Variants in CNTN5 observed in about 807,000 individuals in gnomAD.
CNTN5 encodes contactin-5.
In CNTN5, 77 loss-of-function variants were observed where a neutral mutation model predicts 129.1. The ratio of observed to expected loss-of-function variants is 0.60; its 90% CI spans 0.50 to 0.72. The LOEUF (loss-of-function observed/expected upper bound fraction) is 0.72. Ranked by LOEUF, CNTN5 falls within the 30% of genes least tolerant of loss-of-function variation. The pLI is 0.00. For synonymous variants in CNTN5, 509 were observed against 465.6 expected (o/e 1.09, Z -1.20); for missense variants, 1,478 against 1,328.8 (o/e 1.11, Z -1.75).
At position 99,320,448 on chromosome 11, in the gene CNTN5, G is replaced by A. The variant is rs1269390184; in HGVS notation, c.-209-4898G>A. On this transcript the variant is annotated intron_variant, in intron 1 of 24. Transcript: ENST00000524871. ...TGTTGTGACTTTGAGGAATCCAAGGGAAAAAAGAGACATAAATTTGGAAGT... is the reference window on the plus strand; with the variant it reads ...TGTTGTGACTTTGAGGAATCCAAGGAAAAAAAGAGACATAAATTTGGAAGT... 2.0e-5 allele frequency among the ~76,000 whole-genome samples: 3 copies of A among 152,082 alleles called. No homozygotes were observed. The East Asian group carries it at 5.8e-4, about 29-fold the overall frequency.
intron 3 of CNTN5, among the ~76,000 whole-genome samples, chr11:99,739,892 A>G (rs1943835285): frequency 6.6e-6 from 1 of 152,146 alleles, no homozygotes; most frequent in East Asian, 1.9e-4. Context: ...GGCACAAGGG[A>G]CTAGGTGTGT....
chr11:99,902,248 T>TG (rs1450727966), intron 6 of CNTN5, among the ~76,000 whole-genome samples: 3 of 151,968 alleles, frequency 2.0e-5, no homozygotes, highest in Non-Finnish European at 2.9e-5. Context: ...AGGAGTTTTT[T>TG]TTTTTTTTTT....
intron 1 of CNTN5, among the ~76,000 whole-genome samples, chr11:99,306,231 T>C (rs747449010): frequency 3.3e-5 from 5 of 152,166 alleles, no homozygotes; most frequent in African/African-American, 7.2e-5. Context: ...TGTCAGACAA[T>C]TGGTTTAAAA....
intron 4 of CNTN5, among the ~76,000 whole-genome samples, chr11:99,841,567 A>C (rs967346710): frequency 6.6e-6 from 1 of 151,676 alleles, no homozygotes; most frequent in Non-Finnish European, 1.5e-5. Context: ...CATAAGTATA[A>C]TAAGAGTGAG....
intron 1 of CNTN5, among the ~76,000 whole-genome samples, chr11:99,306,758 A>G (rs879871591): frequency 0.26 from 29,513 of 115,348 alleles, 3,069 homozygotes; most frequent in Middle Eastern, 0.34. Context: ...TAATAATAAT[A>G]ATAATAATAA....
chr11:99,633,690 G>C (rs1951446909), intron 3 of CNTN5, among the ~76,000 whole-genome samples: 2 of 152,174 alleles, frequency 1.3e-5, no homozygotes, highest in Admixed American at 1.3e-4. Flanking sequence ...GTGCTATAAA[G>C]CCACAAAAGA....
chr11:100,272,368 T>C (rs963819195), intron 18 of CNTN5, among the ~76,000 whole-genome samples: 8 of 152,154 alleles, frequency 5.3e-5, no homozygotes, highest in African/African-American at 1.9e-4. Flanking sequence ...GTATTATAGT[T>C]ATAGAACTGA....
intron 7 of CNTN5, among the ~76,000 whole-genome samples, chr11:99,924,461 T>C (rs1012035128): frequency 6.6e-6 from 1 of 152,192 alleles, no homozygotes; most frequent in African/African-American, 2.4e-5. Context: ...TGCATATGGT[T>C]AGCCAGTTTT....
chr11:99,555,345 G>C (rs937143964), intron 2 of CNTN5, among the ~76,000 whole-genome samples: 2 of 151,966 alleles, frequency 1.3e-5, no homozygotes, highest in African/African-American at 4.8e-5. Flanking sequence ...GAAAATTCTG[G>C]AGGTACTTGT....
At chr11:99,619,519 T>C (rs1013420691) in intron 3 of CNTN5, among the ~76,000 whole-genome samples, 4 of 152,136 alleles carry the variant, frequency 2.6e-5, no homozygotes, top group African/African-American at 9.7e-5. Flanking sequence ...AATTTGTTAC[T>C]TTACTGAAGT....
intron 6 of CNTN5, among the ~76,000 whole-genome samples, chr11:99,891,397 G>A (rs1591373162): frequency 6.6e-6 from 1 of 151,856 alleles, no homozygotes; most frequent in Admixed American, 6.6e-5. Flanking sequence ...TTGTTACATA[G>A]GTATACACGT....
chr11:100,159,013 A>G (rs1387659208), intron 13 of CNTN5, among the ~76,000 whole-genome samples: 2 of 151,914 alleles, frequency 1.3e-5, no homozygotes, highest in Admixed American at 1.3e-4. Flanking sequence ...AGCTATATCT[A>G]ACAATATAGG....
At chr11:99,904,305 G>A (rs375835103) in intron 6 of CNTN5, among the ~76,000 whole-genome samples, 11 of 147,300 alleles carry the variant, frequency 7.5e-5, no homozygotes, top group Middle Eastern at 3.2e-3. Context: ...CCCCAAGCCC[G>A]GACAGGTCCC....
intron 13 of CNTN5, among the ~76,000 whole-genome samples, chr11:100,167,130 C>A (rs1947663983): frequency 1.3e-5 from 2 of 151,648 alleles, no homozygotes; most frequent in Non-Finnish European, 2.9e-5. Flanking sequence ...CCACAACTTC[C>A]AAACCCCGCC....
At chr11:99,443,480 C>A (rs917360920) in intron 2 of CNTN5, among the ~76,000 whole-genome samples, 2 of 152,166 alleles carry the variant, frequency 1.3e-5, no homozygotes, top group Non-Finnish European at 2.9e-5. Context: ...CAATAAGTGT[C>A]ATGAGTCAGT....
chr11:99,840,174 A>C (rs117993998), intron 4 of CNTN5, among the ~76,000 whole-genome samples: 5,257 of 152,258 alleles, frequency 0.035, 135 homozygotes, highest in South Asian at 0.093. Flanking sequence ...CAGAGGGTGG[A>C]AAAATACACG....
intron 2 of CNTN5, among the ~76,000 whole-genome samples, chr11:99,473,846 AT>A (rs1403576421): frequency 8.5e-5 from 13 of 152,062 alleles, no homozygotes; most frequent in Non-Finnish European, 1.8e-4. Flanking sequence ...AAACATTTAC[AT>A]TCTAGAATTC....
chr11:100,124,076 C>A (rs1946107563), intron 13 of CNTN5, among the ~76,000 whole-genome samples: 1 of 151,982 alleles, frequency 6.6e-6, no homozygotes, highest in East Asian at 1.9e-4. Context: ...AGGTACTGTG[C>A]TAAGCACTTT....
intron 2 of CNTN5, among the ~76,000 whole-genome samples, chr11:99,362,571 A>T (rs547494508): frequency 4.8e-4 from 73 of 151,906 alleles, no homozygotes; most frequent in Non-Finnish European, 9.1e-4. Context: ...GGTTATGAAG[A>T]TAGCTTTATA....
Sources: gnomAD v4.1 joint callset for allele counts (sites outside exome capture counted in the v4.1 genomes callset) on GRCh38, gnomAD v4.1.1 for gene constraint, MANE v1.5 for transcripts, NCBI Gene and HGNC (gene_info 2026-07-23, HGNC 2026-07-21) for gene names.